Variants in MBTPS2 observed in about 807,000 individuals in gnomAD.
The protein encoded by MBTPS2 is membrane-bound transcription factor site-2 protease.
In MBTPS2, 2 loss-of-function variants were observed where a neutral mutation model predicts 35.4. That is an observed-to-expected ratio of 0.06 (90% CI 0.02 to 0.18). MBTPS2 has a LOEUF of 0.18. MBTPS2 is among the 10% of genes least tolerant of loss of function. The probability of loss-of-function intolerance (pLI) is 1.00; values close to 1 mark genes in which losing one functional copy is unlikely to be tolerated. For missense variants in MBTPS2, 244 were observed against 386.5 expected (o/e 0.63, Z 3.09); for synonymous variants, 125 against 140.4 (o/e 0.89, Z 0.77).
chrX:21,870,784 G>A (rs777574470), intron 7 of MBTPS2: 1 of 111,823 alleles, frequency 8.9e-6, no homozygotes, highest in Non-Finnish European at 1.9e-5. Flanking sequence ...GTTTCTTCTC[G>A]GATCCTGCCA....
At chrX:21,862,676 T>TG (rs945666347) in intron 5 of MBTPS2, among the ~76,000 whole-genome samples, 1 of 103,595 alleles carries the variant, frequency 9.7e-6, no homozygotes, top group Non-Finnish European at 2.0e-5. Flanking sequence ...CCGGGCGTGG[T>TG]GGGGGGCGCC....
In MBTPS2 at chrX:21,839,698, C is replaced by G; in HGVS notation, c.-37C>G. On this transcript the variant is annotated 5_prime_UTR_variant, in exon 1 of 11. Coordinates refer to ENST00000379484, the MANE Select transcript of MBTPS2 (RefSeq NM_015884.4). ...GTTGGCGGTGCAGGGAGGAGGACGC[C>G]GGGGCTCGCCTTCCCTCCTCTGCCG... 1 of 1,158,365 alleles carries G rather than the reference C, an allele frequency of 8.6e-7. No individual in the cohort carries two copies. Among genetic ancestry groups the G allele is most frequent in the South Asian group, 1.9e-5 (1 of 52,585 alleles).
At chrX:21,855,589 G>T (rs767922554) in intron 5 of MBTPS2, among the ~76,000 whole-genome samples, 1 of 109,607 alleles carries the variant, frequency 9.1e-6, no homozygotes, top group Non-Finnish European at 1.9e-5. Flanking sequence ...GAGCCACCAC[G>T]CCCAGCTAAT....
intron 3 of MBTPS2, among the ~76,000 whole-genome samples, chrX:21,849,816 G>A (rs2092912628): frequency 9.8e-6 from 1 of 102,373 alleles, no homozygotes; most frequent in Non-Finnish European, 2.0e-5. Context: ...CACGAGGTCA[G>A]GAGATTGAGA....
At chrX:21,857,252 C>T (rs781046792) in intron 5 of MBTPS2, 1 of 1,211,797 alleles carries the variant, frequency 8.3e-7, no homozygotes, top group Non-Finnish European at 1.1e-6. Flanking sequence ...CAGTCCCTTG[C>T]TCTTATAGCG....
At chrX:21,867,624 G>A (rs1257023678) in intron 5 of MBTPS2, among the ~76,000 whole-genome samples, 1 of 93,623 alleles carries the variant, frequency 1.1e-5, no homozygotes, top group Admixed American at 1.3e-4. Context: ...TAATAAAGAC[G>A]GTTTTCTCTT....
intron 5 of MBTPS2, chrX:21,857,433 G>T (rs200904268): frequency 8.3e-7 from 1 of 1,211,072 alleles, no homozygotes; most frequent in Non-Finnish European, 1.1e-6. Context: ...CACATTCGAA[G>T]GCTGCGGGAA....
chrX:21,874,003 A>G (rs5951475), intron 7 of MBTPS2, among the ~76,000 whole-genome samples: 84 of 66,172 alleles, frequency 1.3e-3, no homozygotes, highest in African/African-American at 1.7e-3. Context: ...GTGTGTGTGT[A>G]TATATATATA....
At chrX:21,881,380 G>A (rs1236491358) in intron 10 of MBTPS2, among the ~76,000 whole-genome samples, 1 of 111,632 alleles carries the variant, frequency 9.0e-6, no homozygotes, top group Non-Finnish European at 1.9e-5. Context: ...AGGGAGGAAT[G>A]CACAAGAAAG....
At chrX:21,878,260 C>A in intron 8 of MBTPS2, 124 bp downstream of exon 8, 1 of 544,836 alleles carries the variant, frequency 1.8e-6, no homozygotes, top group Non-Finnish European at 3.1e-6. Context: ...TTATTAAAAT[C>A]TCTACATTTC....
intron 5 of MBTPS2, chrX:21,856,277 TCTC>T (rs2092921365): frequency 2.6e-6 from 1 of 384,231 alleles, no homozygotes; most frequent in Non-Finnish European, 4.3e-6. Flanking sequence ...CTTTCCTCAG[TCTC>T]GCGCCTTTCT....
rs1252918617 is a variant in MBTPS2 at position 21,878,684 on chromosome X, A to G, written c.1253A>G (p.His418Arg). The G allele has an allele frequency of 1.7e-6, 2 of 1,192,495 alleles. No homozygotes were observed. The highest frequency in any genetic ancestry group is 2.2e-5 in the Admixed American group (1 of 45,629). The change falls in exon 9 of 11, where the codon CAC becomes CGC. Residue 418 changes from histidine (H) to arginine (R), a missense_variant. By Grantham distance (29) the His-to-Arg change is conservative. Coordinates refer to ENST00000379484, the MANE Select transcript of MBTPS2 (RefSeq NM_015884.4). Reference protein sequence around the residue: ...MLYVGHPLHLHYTVSITSFIP... With the variant: ...MLYVGHPLHLRYTVSITSFIP... ...TACGTAGGACATCCTCTGCATCTTC[A>G]CTACACAGGTGAGTATTTTTGTGGT...
At position 21,884,493 on chromosome X, in the gene MBTPS2, T is replaced by C. The variant is rs933223048; in HGVS notation, c.*1838T>C. 1 of 748,999 alleles carries C rather than the reference T, an allele frequency of 1.3e-6. No homozygotes were observed. Among genetic ancestry groups the C allele is most frequent in the Non-Finnish European group, 1.6e-6 (1 of 634,155 alleles). The allele number at this position is 748,999 out of a possible 1,213,427, so 61.7% of individuals were successfully genotyped here. A position where few individuals can be genotyped will look rare whatever the true frequency, so the allele number is the denominator to read the frequency against. ...AATCTTATTCATTAATTTATTTTTC[T>C]GAGTAAAAAAACGAAACCCAAATCT... On this transcript the variant is annotated 3_prime_UTR_variant, in exon 11 of 11. Transcript: ENST00000379484.
chrX:21,884,145 A>G lies in MBTPS2; in HGVS notation c.*1490A>G. On this transcript the variant is annotated 3_prime_UTR_variant, in exon 11 of 11. Transcript: ENST00000379484. ...GATTGTATTACAAATTTGCCTTAAC[A>G]GTAATTAGATGTTGAATATAATTTT... 1.4e-6 allele frequency: 1 copy of G among 724,949 alleles called. No individual in the cohort carries two copies. The highest frequency in any genetic ancestry group is 1.6e-6 in the Non-Finnish European group (1 of 612,124). 59.7% of individuals were successfully genotyped at this position (724,949 alleles called of 1,213,427 possible). A position where few individuals can be genotyped will look rare whatever the true frequency, so the allele number is the denominator to read the frequency against.
chrX:21,862,944 AT>A (rs776626800), intron 5 of MBTPS2, among the ~76,000 whole-genome samples: 6 of 44,947 alleles, frequency 1.3e-4, no homozygotes, highest in African/African-American at 7.0e-4. Context: ...ATATATATAT[AT>A]ATATATATAT....
At chrX:21,862,896 A>G (rs925880559) in intron 5 of MBTPS2, among the ~76,000 whole-genome samples, 1 of 75,704 alleles carries the variant, frequency 1.3e-5, no homozygotes, top group African/African-American at 5.0e-5. Context: ...ACACATATAT[A>G]TAAACATATA....
intron 3 of MBTPS2, among the ~76,000 whole-genome samples, chrX:21,850,411 T>A (rs1025612504): frequency 2.3e-4 from 26 of 111,573 alleles, no homozygotes; most frequent in African/African-American, 8.1e-4. Flanking sequence ...TGTGTATGTA[T>A]GTTTGGGGAG....
chrX:21,863,263 CAAA>C (rs58548977), intron 5 of MBTPS2, among the ~76,000 whole-genome samples: 14 of 57,534 alleles, frequency 2.4e-4, no homozygotes, highest in African/African-American at 6.7e-4. Context: ...GAGACTGTCT[CAAA>C]AAAAAAAAAA....
At chrX:21,847,474 G>A (rs2092909807) in intron 3 of MBTPS2, among the ~76,000 whole-genome samples, 1 of 112,136 alleles carries the variant, frequency 8.9e-6, no homozygotes, top group African/African-American at 3.2e-5. Context: ...GTTGTTGAAA[G>A]TATTCTGTAT....
Sources: gnomAD v4.1 joint callset for allele counts (sites outside exome capture counted in the v4.1 genomes callset) on GRCh38, gnomAD v4.1.1 for gene constraint, MANE v1.5 for transcripts, NCBI Gene and HGNC (gene_info 2026-07-23, HGNC 2026-07-21) for gene names.